Variants in PACS2 observed in about 807,000 individuals in gnomAD.
PACS2 encodes phosphofurin acidic cluster sorting protein 2.
In PACS2, 36 loss-of-function variants were observed where a neutral mutation model predicts 113.0. The observed-to-expected ratio is 0.32, with a 90% CI of 0.24 to 0.42. The LOEUF (loss-of-function observed/expected upper bound fraction) is 0.42, where lower values mean the gene tolerates loss of function less well. Ranked by LOEUF, PACS2 falls within the 10% of genes least tolerant of loss-of-function variation. PACS2 has a pLI of 1.00. For missense variants in PACS2, 1,015 were observed against 1,239.5 expected (o/e 0.82, Z 2.72); for synonymous variants, 589 against 536.1 (o/e 1.10, Z -1.36).
upstream of PACS2, among the ~76,000 whole-genome samples, chr14:105,313,293 C>A (rs587623882): frequency 6.6e-6 from 1 of 152,196 alleles, no homozygotes; most frequent in Non-Finnish European, 1.5e-5. Flanking sequence ...TCACAGACAG[C>A]CTGTCCTCCT....
chr14:105,349,886 T>G (rs2060094898), intron 2 of PACS2, among the ~76,000 whole-genome samples: 1 of 138,056 alleles, frequency 7.2e-6, no homozygotes, highest in African/African-American at 3.2e-5. Flanking sequence ...GCGTGGCTAA[T>G]AGCAGGACCC....
At chr14:105,307,396 T>A (rs2140663743) in intron 1 of PACS2, among the ~76,000 whole-genome samples, 1 of 152,238 alleles carries the variant, frequency 6.6e-6, no homozygotes, top group Admixed American at 6.5e-5. Flanking sequence ...TCAGCTTGCC[T>A]CCTCTGCCTT....
At position 105,392,646 on chromosome 14, in the gene PACS2, G is replaced by C; in HGVS notation, c.2283G>C (p.Gly761=). 1 of 1,611,158 alleles carries C rather than the reference G, an allele frequency of 6.2e-7. No individual in the cohort carries two copies. Among genetic ancestry groups the C allele is most frequent in the Non-Finnish European group, 8.5e-7 (1 of 1,179,268 alleles). ...AGGGTGTCGGCGCCGAGCTGATGGG[G>C]CTGCAGGTGGACTACTGGACGGCAG... ...PSQGVGAELM[G]LQVDYWTAAQ... is the part of the protein sequence containing the mutation. The change falls in exon 23 of 25, where the codon GGG becomes GGC. Residue 761 remains glycine, a synonymous_variant. Transcript: ENST00000447393.
Position 105,317,850 on chromosome 14 carries a change from C to T in PACS2, c.119+2813C>T, listed in dbSNP as rs1265985161. Among the ~76,000 whole-genome samples the T allele has an allele frequency of 6.6e-6, 1 of 152,112 alleles. No homozygotes were observed. Among genetic ancestry groups the T allele is most frequent in the Non-Finnish European group, 1.5e-5 (1 of 68,022 alleles). On this transcript the variant is annotated intron_variant, in intron 1 of 24. Transcript: ENST00000447393. This position sits in a 1 kb window ranked among gnomAD's most constrained non-coding sequence, Gnocchi z 4.2. ...TCTGGGAGGCAGCCGGAGAAGTCTG[C>T]CCCCGGGAGCTTGAACTGGGCATGC...
At position 105,355,281 on chromosome 14, in the gene PACS2, G is replaced by C; in HGVS notation, c.423+104G>C. 1 of 1,356,168 alleles carries C rather than the reference G, an allele frequency of 7.4e-7. No homozygotes were observed. Among genetic ancestry groups the C allele is most frequent in the Non-Finnish European group, 1.0e-6 (1 of 1,004,068 alleles). The allele number at this position is 1,356,168 out of a possible 1,614,324, so 84.0% of individuals were successfully genotyped here. A position where few individuals can be genotyped will look rare whatever the true frequency, so the allele number is the denominator to read the frequency against. On this transcript the variant is annotated intron_variant, in intron 4 of 24. Coordinates refer to ENST00000447393, the MANE Select transcript of PACS2 (RefSeq NM_001100913.3). This position sits in a 1 kb window ranked among gnomAD's most constrained non-coding sequence, Gnocchi z 4.1. ...GTCTCTCCCGGGTCCAGATGTCCAG[G>C]GATCAGGTGAAAATGATGAGAGGAG...
At position 105,390,106 on chromosome 14, in the gene PACS2, C is replaced by G. The variant is rs2081306847; in HGVS notation, c.2076+103C>G. 1.2e-5 allele frequency: 12 copies of G among 1,023,316 alleles called. No individual in the cohort carries two copies. The Middle Eastern group carries it at 6.1e-4, about 52-fold the overall frequency. The allele number at this position is 1,023,316 out of a possible 1,614,324, so 63.4% of individuals were successfully genotyped here. A position where few individuals can be genotyped will look rare whatever the true frequency, so the allele number is the denominator to read the frequency against. On this transcript the variant is annotated intron_variant, in intron 20 of 24. Transcript: ENST00000447393. ...TTGACTCGATATATTCCAGAACCTTCCCACAGATACGAGCTGGGGATTTGC... is the reference window on the plus strand; with the variant it reads ...TTGACTCGATATATTCCAGAACCTTGCCACAGATACGAGCTGGGGATTTGC...
At chr14:105,385,228 G>C (rs782387364) in intron 18 of PACS2, among the ~76,000 whole-genome samples, 1 of 152,326 alleles carries the variant, frequency 6.6e-6, no homozygotes, top group East Asian at 1.9e-4. Context: ...TTGAAACCCC[G>C]CGTGATAAGA....
intron 11 of PACS2, among the ~76,000 whole-genome samples, chr14:105,380,693 T>TC (rs1160151818): frequency 6.6e-6 from 1 of 152,122 alleles, no homozygotes; most frequent in African/African-American, 2.4e-5. Context: ...GCATGGGGTC[T>TC]CCTCAGTTAG....
At position 105,315,573 on chromosome 14, in the gene PACS2, C is replaced by G. The variant is rs1184607977; in HGVS notation, c.119+536C>G. The G allele has an allele frequency of 2.0e-5, 3 of 152,338 alleles. No individual in the cohort carries two copies. Among genetic ancestry groups the G allele is most frequent in the African/African-American group, 7.2e-5 (3 of 41,480 alleles). The allele number at this position is 152,338 out of a possible 1,614,324, so 9.4% of individuals were successfully genotyped here. A position where few individuals can be genotyped will look rare whatever the true frequency, so the allele number is the denominator to read the frequency against. ...CGGGTACCTGGTTGGCGCTGTCTCT[C>G]ATTTAGAGGCGTCGCCAAGCCAGTA... On this transcript the variant is annotated intron_variant, in intron 1 of 24. Transcript: ENST00000447393. The surrounding 1 kb of genome is among the most constrained non-coding windows in gnomAD (Gnocchi z 4.4).
rs1166392623 is a variant in PACS2 at position 105,330,489 on chromosome 14, C to A, written c.119+15452C>A. ...GTTACTGTGCCGCAGAGTTTTCTTT[C>A]CGAGCACTCAATGCTCACCTCCTGG... On this transcript the variant is annotated intron_variant, in intron 1 of 24. Transcript: ENST00000447393. This position sits in a 1 kb window ranked among gnomAD's most constrained non-coding sequence, Gnocchi z 6.9. Among the ~76,000 whole-genome samples, 3 of 152,204 alleles carry A rather than the reference C, an allele frequency of 2.0e-5. No homozygotes were observed. Among genetic ancestry groups the A allele is most frequent in the Non-Finnish European group, 4.4e-5 (3 of 68,026 alleles).
intron 1 of PACS2, among the ~76,000 whole-genome samples, chr14:105,320,141 C>T (rs587652284): frequency 1.3e-5 from 2 of 151,898 alleles, no homozygotes; most frequent in South Asian, 2.1e-4. Flanking sequence ...CCACGCCCAG[C>T]GAATTTTTGT....
intron 8 of PACS2, chr14:105,371,999 A>T (rs1555409498): frequency 6.6e-6 from 1 of 152,264 alleles, no homozygotes; most frequent in East Asian, 1.9e-4. Flanking sequence ...TCGGGCCCTA[A>T]CCACCTGTTA....
At chr14:105,382,999 G>T in intron 15 of PACS2, 86 bp downstream of exon 15, 1 of 788,712 alleles carries the variant, frequency 1.3e-6, no homozygotes. Context: ...TCCGGGGCTA[G>T]GTGCGTCCTG....
chr14:105,325,053 A>G (rs2140871248), intron 1 of PACS2, among the ~76,000 whole-genome samples: 1 of 151,976 alleles, frequency 6.6e-6, no homozygotes, highest in Middle Eastern at 3.4e-3. Context: ...CCCCTGGCCA[A>G]GCTGTGGGCA....
In PACS2 at chr14:105,376,734, G is replaced by T. The variant is rs1229703017; in HGVS notation, c.802-34G>T. ...CCCCAGTGGGGCAATGTGGGCTGCT[G>T]CAGGGAACTCACGCGTGCCTGGCAC... On this transcript the variant is annotated intron_variant, in intron 8 of 24. Transcript: ENST00000447393. The surrounding 1 kb of genome is among the most constrained non-coding windows in gnomAD (Gnocchi z 4.7). 13 of 1,604,036 alleles carry T rather than the reference G, an allele frequency of 8.1e-6. No homozygotes were observed. Among genetic ancestry groups the T allele is most frequent in the African/African-American group, 1.3e-5 (1 of 74,592 alleles).
chr14:105,393,579 TGTTTTTTGTTTTG>T, intron 24 of PACS2: 4 of 449,562 alleles, frequency 8.9e-6, no homozygotes, highest in Admixed American at 4.3e-5. Context: ...TTTTCTTGTT[TGTTTTTTGTTTTG>T]GTTTTTTTTT....
At chr14:105,382,626 G>C (rs71423849) in intron 14 of PACS2, 45 bp downstream of exon 14, 1 of 1,246,228 alleles carries the variant, frequency 8.0e-7, no homozygotes, top group Non-Finnish European at 1.2e-6. Flanking sequence ...GTGTAGGACA[G>C]AGGAGAGTGG....
intron 1 of PACS2, among the ~76,000 whole-genome samples, chr14:105,302,572 C>A (rs886735351): frequency 6.7e-6 from 1 of 149,550 alleles, no homozygotes. Flanking sequence ...CAATGTGTTC[C>A]CTTTTTCTAG....
At position 105,395,514 on chromosome 14, in the gene PACS2, G is replaced by A. The variant is rs1291762257; in HGVS notation, c.*842G>A. 3.3e-5 allele frequency: 5 copies of A among 152,376 alleles called. No homozygotes were observed. In the East Asian group the frequency reaches 9.6e-4, roughly 29 times the overall value. 9.4% of individuals were successfully genotyped at this position (152,376 alleles called of 1,614,324 possible). On this transcript the variant is annotated 3_prime_UTR_variant, in exon 25 of 25. Coordinates refer to ENST00000447393, the MANE Select transcript of PACS2 (RefSeq NM_001100913.3). ...GCTGCTGGGGTTGGCCTGAGGTGGG[G>A]GCCACTTCCTCCACCCCAGTGGGTA...
Sources: allele counts gnomAD v4.1 joint callset (sites outside exome capture counted in the v4.1 genomes callset), GRCh38; gene constraint gnomAD v4.1.1; non-coding constraint Gnocchi (gnomAD v3.1); transcripts MANE v1.5; gene names NCBI Gene and HGNC (gene_info 2026-07-23, HGNC 2026-07-21).